SYT1: variants seen among roughly 807,000 people sequenced by gnomAD.
SYT1 encodes the protein synaptotagmin-1.
In SYT1, 8 loss-of-function variants were observed where a neutral mutation model predicts 44.8. The observed-to-expected ratio is 0.18, with a 90% CI of 0.10 to 0.32. The LOEUF (loss-of-function observed/expected upper bound fraction) is 0.32. Among genes scored for constraint, SYT1 ranks in the 10% least tolerant of loss-of-function variants. SYT1 has a pLI of 1.00. For synonymous variants in SYT1, 154 were observed against 188.8 expected (o/e 0.82, Z 1.51); for missense variants, 286 against 509.3 (o/e 0.56, Z 4.22).
intron 9 of SYT1, among the ~76,000 whole-genome samples, chr12:79,405,269 T>C (rs967854542): frequency 9.9e-5 from 15 of 152,124 alleles, no homozygotes; most frequent in Non-Finnish European, 2.1e-4. Flanking sequence ...TAGAAGCTCA[T>C]AGAATCAAAA....
chr12:79,246,612 G>A (rs1876865858), intron 4 of SYT1, among the ~76,000 whole-genome samples: 1 of 152,192 alleles, frequency 6.6e-6, no homozygotes, highest in Admixed American at 6.5e-5. Context: ...GGTGGCAGGT[G>A]GAAGAGCAAA....
chr12:79,321,505 T>A (rs867512243), intron 8 of SYT1, among the ~76,000 whole-genome samples: 1 of 152,164 alleles, frequency 6.6e-6, no homozygotes, highest in Non-Finnish European at 1.5e-5. Flanking sequence ...ATACAGGCAG[T>A]TTGAATTCTA....
chr12:79,006,510 G>C (rs1565759242), intron 2 of SYT1, among the ~76,000 whole-genome samples: 2 of 151,972 alleles, frequency 1.3e-5, no homozygotes, highest in African/African-American at 4.8e-5. Context: ...TGATGATGAT[G>C]ATATATATTT....
intron 9 of SYT1, among the ~76,000 whole-genome samples, chr12:79,441,319 C>CTGT (rs974479273): frequency 6.6e-5 from 10 of 151,816 alleles, no homozygotes; most frequent in African/African-American, 1.9e-4. Flanking sequence ...GCTGCTGCTG[C>CTGT]TGTTGTTGTT....
intron 9 of SYT1, among the ~76,000 whole-genome samples, chr12:79,373,611 G>A (rs770685563): frequency 2.2e-4 from 33 of 152,070 alleles, no homozygotes; most frequent in Non-Finnish European, 4.0e-4. Context: ...TCAAAAAAAT[G>A]CCTCACAAAT....
At chr12:79,081,391 T>C (rs1877021741) in intron 3 of SYT1, among the ~76,000 whole-genome samples, 1 of 151,900 alleles carries the variant, frequency 6.6e-6, no homozygotes, top group African/African-American at 2.4e-5. Flanking sequence ...CACTTTTTTT[T>C]TTTTTTTTGA....
chr12:79,023,854 C>A (rs1872351656), intron 2 of SYT1, among the ~76,000 whole-genome samples: 1 of 151,568 alleles, frequency 6.6e-6, no homozygotes, highest in African/African-American at 2.4e-5. Flanking sequence ...AACTATTCAC[C>A]TATAGGTTAG....
chr12:79,124,706 A>C (rs1321723526), intron 3 of SYT1, among the ~76,000 whole-genome samples: 1 of 152,292 alleles, frequency 6.6e-6, no homozygotes, highest in East Asian at 1.9e-4. Context: ...TGAGTAGAAA[A>C]TAAGACTCTT....
intron 2 of SYT1, among the ~76,000 whole-genome samples, chr12:78,991,536 G>A (rs897368326): frequency 6.6e-6 from 1 of 151,974 alleles, no homozygotes; most frequent in East Asian, 1.9e-4. Context: ...AGTAAACATT[G>A]ATTTGTAATT....
intron 3 of SYT1, among the ~76,000 whole-genome samples, chr12:79,139,639 A>C (rs1201694817): frequency 6.6e-6 from 1 of 152,220 alleles, no homozygotes; most frequent in Non-Finnish European, 1.5e-5. Context: ...TCCTCCTTCT[A>C]TAATACCTAT....
At chr12:79,313,201 T>G (rs762110056) in intron 8 of SYT1, among the ~76,000 whole-genome samples, 8 of 152,212 alleles carry the variant, frequency 5.3e-5, no homozygotes, top group Non-Finnish European at 1.0e-4. Context: ...CTAAATCAGA[T>G]AGCTTTTACA....
chr12:78,942,876 G>C (rs542442447), intron 1 of SYT1, among the ~76,000 whole-genome samples: 1 of 152,206 alleles, frequency 6.6e-6, no homozygotes, highest in South Asian at 2.1e-4. Context: ...AGCCATGAGC[G>C]GAACTCTCAA....
chr12:79,212,992 T>C (rs1276616783), intron 3 of SYT1, among the ~76,000 whole-genome samples: 1 of 152,222 alleles, frequency 6.6e-6, no homozygotes, highest in Non-Finnish European at 1.5e-5. Flanking sequence ...AGGTGCCTAA[T>C]AAATGGAATC....
intron 8 of SYT1, among the ~76,000 whole-genome samples, chr12:79,311,057 T>C (rs1880758495): frequency 6.6e-6 from 1 of 152,244 alleles, no homozygotes; most frequent in South Asian, 2.1e-4. Flanking sequence ...GTATATTGAA[T>C]AGGAGTGGTG....
chr12:78,897,422 T>A (rs968576357), intron 1 of SYT1, among the ~76,000 whole-genome samples: 13 of 151,964 alleles, frequency 8.6e-5, no homozygotes, highest in African/African-American at 3.1e-4. Context: ...TTTGTTTTGT[T>A]TAACAAATTA....
intron 2 of SYT1, among the ~76,000 whole-genome samples, chr12:79,016,432 T>C (rs1190814714): frequency 1.3e-5 from 2 of 152,176 alleles, no homozygotes. Flanking sequence ...ATACTGGTTG[T>C]AATTATACTT....
chr12:78,884,351 A>T (rs982313684), intron 1 of SYT1, among the ~76,000 whole-genome samples: 27 of 151,578 alleles, frequency 1.8e-4, no homozygotes, highest in African/African-American at 6.5e-4. Context: ...AGCATTAAGT[A>T]ATTGTGTGAA....
intron 4 of SYT1, among the ~76,000 whole-genome samples, chr12:79,247,572 A>G (rs1876926001): frequency 6.6e-6 from 1 of 152,150 alleles, no homozygotes; most frequent in African/African-American, 2.4e-5. Context: ...GAGAAAGGTA[A>G]AAACATATAT....
At chr12:79,056,336 T>A (rs531592336) in intron 3 of SYT1, among the ~76,000 whole-genome samples, 3 of 152,072 alleles carry the variant, frequency 2.0e-5, no homozygotes, top group Non-Finnish European at 4.4e-5. Context: ...AGGCTTGCTT[T>A]GGGAGGAGTC....
Sources: gnomAD v4.1 joint callset for allele counts (sites outside exome capture counted in the v4.1 genomes callset) on GRCh38, gnomAD v4.1.1 for gene constraint, MANE v1.5 for transcripts, NCBI Gene and HGNC (gene_info 2026-07-23, HGNC 2026-07-21) for gene names.